Variants in ZNF160 observed in about 807,000 individuals in gnomAD.
ZNF160 encodes KRAB zinc finger protein KR18.
A neutral mutation model predicts 13.1 loss-of-function variants in ZNF160; 9 were observed. The ratio of observed to expected loss-of-function variants is 0.69; its 90% CI spans 0.41 to 1.20. The LOEUF (loss-of-function observed/expected upper bound fraction) is 1.20, where lower values mean the gene tolerates loss of function less well. Among genes scored for constraint, ZNF160 ranks in the 50% most tolerant of loss-of-function variants. The pLI is 0.01. For synonymous variants in ZNF160, 293 were observed against 333.2 expected, an observed-to-expected ratio of 0.88 and a Z score of 1.31; for missense variants, 838 against 988.0, an observed-to-expected ratio of 0.85 and a Z score of 2.04.
chr19:53,086,620 C>T (rs1470274062), intron 2 of ZNF160, among the ~76,000 whole-genome samples: 1 of 152,148 alleles, frequency 6.6e-6, no homozygotes, highest in Non-Finnish European at 1.5e-5. Context: ...AGGACACAGA[C>T]CCAGCCCTGA....
intron 3 of ZNF160, among the ~76,000 whole-genome samples, chr19:53,078,988 T>C (rs965079373): frequency 6.6e-6 from 1 of 151,954 alleles, no homozygotes; most frequent in Non-Finnish European, 1.5e-5. Context: ...AGCAAATATA[T>C]GACAAGGAAA....
chr19:53,067,777 C>T lies in ZNF160; in HGVS notation c.*300G>A. ...CAAAGGCAAACAGGGAAACCAGAGA[C>T]TGTTATTCCTCCTAGGAATCCTCAC... On this transcript the variant is annotated 3_prime_UTR_variant, in exon 6 of 6. Transcript: ENST00000683776. 3.4e-6 allele frequency: 1 copy of T among 296,424 alleles called. No individual in the cohort carries two copies. The highest frequency in any genetic ancestry group is 2.2e-5 in the African/African-American group (1 of 46,480). 18.4% of individuals were successfully genotyped at this position (296,424 alleles called of 1,614,324 possible).
intron 3 of ZNF160, among the ~76,000 whole-genome samples, chr19:53,079,295 A>G (rs545292046): frequency 6.6e-6 from 1 of 152,288 alleles, no homozygotes; most frequent in East Asian, 1.9e-4. Context: ...TCACGCCTGT[A>G]ATCTCAGCAC....
At chr19:53,097,600 C>T (rs1376344696) in intron 1 of ZNF160, among the ~76,000 whole-genome samples, 2 of 152,180 alleles carry the variant, frequency 1.3e-5, no homozygotes, top group Admixed American at 1.3e-4. Context: ...GACTCCACCC[C>T]ACAGGGGAAT....
chr19:53,080,709 T>C (rs2084598625), intron 3 of ZNF160, among the ~76,000 whole-genome samples: 1 of 152,174 alleles, frequency 6.6e-6, no homozygotes, highest in African/African-American at 2.4e-5. Flanking sequence ...TTTCACAGAA[T>C]TAGAAAAAAC....
intron 3 of ZNF160, chr19:53,075,461 C>G: frequency 2.6e-6 from 1 of 380,436 alleles, no homozygotes; most frequent in Admixed American, 3.9e-5. Context: ...GGGCGGTCAC[C>G]GGAACTAAGG....
At position 53,075,171 on chromosome 19, in the gene ZNF160, A is replaced by G. The variant is rs2145579244; in HGVS notation, c.28T>C (p.Phe10Leu). The G allele has an allele frequency of 6.2e-7, 1 of 1,614,074 alleles. No homozygotes were observed. The highest frequency in any genetic ancestry group is 8.5e-7 in the Non-Finnish European group (1 of 1,179,968). ...GAGAATTCTATGGCCACATCCCTAA[A>G]TGTCAACCGTACCTAAAATGAAAAA... MALTQVRLT[F>L]RDVAIEFSQE... The change falls in exon 4 of 6, where the codon TTT becomes CTT. Residue 10 changes from phenylalanine to leucine, a missense_variant. Phe to Leu is a conservative substitution (Grantham distance 22). Transcript: ENST00000683776.
intron 1 of ZNF160, among the ~76,000 whole-genome samples, chr19:53,101,217 T>G (rs1007688544): frequency 2.0e-5 from 3 of 152,048 alleles, no homozygotes; most frequent in Non-Finnish European, 4.4e-5. Flanking sequence ...GAGACAGAGG[T>G]TGCAGTGAGC....
At chr19:53,084,313 C>T (rs1340811081) in intron 3 of ZNF160, among the ~76,000 whole-genome samples, 2 of 152,222 alleles carry the variant, frequency 1.3e-5, no homozygotes, top group African/African-American at 2.4e-5. Context: ...CTTTTAAAAG[C>T]GCCTGCTTTC....
At chr19:53,084,028 G>C (rs1159450791) in intron 3 of ZNF160, among the ~76,000 whole-genome samples, 1 of 152,066 alleles carries the variant, frequency 6.6e-6, no homozygotes, top group African/African-American at 2.4e-5. Flanking sequence ...ACTCTCTACA[G>C]GGCAAGTTCA....
At chr19:53,096,143 C>CAG (rs2085225336) in intron 1 of ZNF160, among the ~76,000 whole-genome samples, 1 of 152,210 alleles carries the variant, frequency 6.6e-6, no homozygotes, top group Admixed American at 6.5e-5. Flanking sequence ...TGCTTGAACT[C>CAG]AGGAGACAGA....
chr19:53,095,876 T>C (rs1015923591), intron 1 of ZNF160: 2 of 152,154 alleles, frequency 1.3e-5, no homozygotes, highest in South Asian at 2.1e-4. Context: ...ATATTAGTAT[T>C]GCTAAAATGG....
At position 53,070,226 on chromosome 19, in the gene ZNF160, G is replaced by A; in HGVS notation, c.308C>T (p.Pro103Leu). Residue 103 changes from proline (P) to leucine (L), a missense_variant, in exon 6 of 6, where the codon CCA becomes CTA. Physicochemically the swap from Pro to Leu is moderately conservative, Grantham distance 98. This residue lies in a region of ZNF160 where 387 missense variants were observed against 402.3 expected (regional missense o/e 0.96). Transcript: ENST00000683776. ...PPKCTIKDLL[P>L]KEKSSTEAVF... ...TGCTTCTGTACTGCTCTTCTCTTTT[G>A]GTAGCAAATCCTTGATTGTACATTT... The A allele has an allele frequency of 6.2e-7, 1 of 1,604,660 alleles. No individual in the cohort carries two copies. The highest frequency in any genetic ancestry group is 8.5e-7 in the Non-Finnish European group (1 of 1,176,258).
chr19:53,071,363 C>T (rs1382511057), intron 5 of ZNF160, among the ~76,000 whole-genome samples: 1 of 151,654 alleles, frequency 6.6e-6, no homozygotes, highest in Non-Finnish European at 1.5e-5. Context: ...CCAGCCTGGT[C>T]AACATGGCAA....
chr19:53,101,013 T>C (rs948574621), intron 1 of ZNF160, among the ~76,000 whole-genome samples: 3 of 151,742 alleles, frequency 2.0e-5, no homozygotes, highest in Non-Finnish European at 2.9e-5. Flanking sequence ...GAGCGGTGGC[T>C]CACGCCTGTA....
chr19:53,074,511 TA>T (rs1274640128), intron 4 of ZNF160, among the ~76,000 whole-genome samples: 8 of 150,092 alleles, frequency 5.3e-5, no homozygotes, highest in Non-Finnish European at 1.0e-4. Context: ...ACTAAAAACA[TA>T]AAAAAAAATT....
intron 3 of ZNF160, 194 bp from the exon 4 acceptor site, chr19:53,075,377 T>A: frequency 3.2e-6 from 2 of 617,538 alleles, no homozygotes; most frequent in Non-Finnish European, 5.5e-6. Flanking sequence ...TTGAAATCAG[T>A]GGAGTGATAA....
At position 53,068,627 on chromosome 19, in the gene ZNF160, A is replaced by T. The variant is rs2084046515; in HGVS notation, c.1907T>A (p.Leu636His). The T allele has an allele frequency of 6.2e-7, 1 of 1,613,682 alleles. No individual in the cohort carries two copies. Among genetic ancestry groups the T allele is most frequent in the Non-Finnish European group, 8.5e-7 (1 of 1,179,974 alleles). The stretch of plus-strand genomic sequence containing the variant: ...AGTATGAATTCGCCGATGAGTTGCA[A>T]GGTATGAATTGTGCCTAAAAACCTT... ...CGKVFRHNSY[L>H]ATHRRIHTGE... Residue 636 changes from leucine (L) to histidine (H), a missense_variant, in exon 6 of 6, where the codon CTT (leucine) becomes CAT (histidine). This residue lies in a region of ZNF160 where 400 missense variants were observed against 538.9 expected (regional missense o/e 0.74). Coordinates refer to ENST00000683776, the MANE Select transcript of ZNF160 (RefSeq NM_001322131.2).
chr19:53,074,969 C>A, intron 4 of ZNF160, 88 bp downstream of exon 4: 1 of 1,571,240 alleles, frequency 6.4e-7, no homozygotes, highest in South Asian at 1.1e-5. Flanking sequence ...CTCAGTCAAG[C>A]AATGCAGGGG....
Sources: gnomAD v4.1 joint callset for allele counts (sites outside exome capture counted in the v4.1 genomes callset) on GRCh38, gnomAD v4.1.1 for gene constraint, gnomAD v4.1.1 regional missense constraint, MANE v1.5 for transcripts, NCBI Gene and HGNC (gene_info 2026-07-23, HGNC 2026-07-21) for gene names.